Variants in ABCC8 observed in about 807,000 individuals in gnomAD.
ABCC8 encodes the protein ATP binding cassette subfamily C member 8.
Under a neutral mutation model 188.0 loss-of-function variants are expected in ABCC8, and 137 were observed. The ratio of observed to expected loss-of-function variants is 0.73; its 90% CI spans 0.63 to 0.84. The LOEUF (loss-of-function observed/expected upper bound fraction) is 0.84. Among genes scored for constraint, ABCC8 ranks in the 40% least tolerant of loss-of-function variants. The pLI, the probability that ABCC8 is intolerant of heterozygous loss-of-function variation, is 0.00. For synonymous variants in ABCC8, 797 were observed against 846.5 expected, an observed-to-expected ratio of 0.94 and a Z score of 1.01; for missense variants, 1,750 against 2,072.7, an observed-to-expected ratio of 0.84 and a Z score of 3.02.
At position 17,398,537 on chromosome 11, in the gene ABCC8, C is replaced by T. The variant is rs956773677; in HGVS notation, c.3651-96G>A. The T allele has an allele frequency of 2.5e-6, 4 of 1,572,950 alleles. No individual in the cohort carries two copies. The African/African-American group carries it at 5.4e-5, about 21-fold the overall frequency. ...GCAGAGGGAGGCTCCAGGGCCCCTC[C>T]AGTCCCCAGACATGCCACCGTGGCC... On this transcript the variant is annotated intron_variant, in intron 29 of 38. Coordinates refer to ENST00000389817, the MANE Select transcript of ABCC8 (RefSeq NM_000352.6).
intron 6 of ABCC8, among the ~76,000 whole-genome samples, chr11:17,454,974 A>AATTTTT (rs533485215): frequency 7.2e-4 from 110 of 152,298 alleles, no homozygotes; most frequent in African/African-American, 2.5e-3. Context: ...GTCCTTTTTA[A>AATTTTT]CATGCCCTGG....
chr11:17,443,217 G>C lies in ABCC8; in HGVS notation c.1428C>G (p.Phe476Leu), dbSNP rs867541142. Residue 476 changes from phenylalanine to leucine, a missense_variant, in exon 9 of 39, where the codon TTC becomes TTG. By Grantham distance (22) the Phe-to-Leu change is conservative. Coordinates refer to ENST00000389817, the MANE Select transcript of ABCC8 (RefSeq NM_000352.6). ...VIILLAPVQY[F>L]VATKLSQAQR... ...GGGCCTGAGACAGCTTGGTGGCCACGAAGTACTGGACAGGAGCCAGTAGAA... is the reference window on the plus strand; with the variant it reads ...GGGCCTGAGACAGCTTGGTGGCCACCAAGTACTGGACAGGAGCCAGTAGAA... 6.2e-7 allele frequency: 1 copy of C among 1,614,034 alleles called. No individual in the cohort carries two copies. Among genetic ancestry groups the C allele is most frequent in the African/African-American group, 1.3e-5 (1 of 74,912 alleles).
intron 29 of ABCC8, 150 bp downstream of exon 29, chr11:17,402,511 A>C (rs1310321747): frequency 7.9e-6 from 12 of 1,520,462 alleles, no homozygotes; most frequent in South Asian, 1.3e-5. Flanking sequence ...CTGCTGGTGG[A>C]TATCCCTTGG....
chr11:17,453,721 A>C (rs1956895426), intron 6 of ABCC8, among the ~76,000 whole-genome samples: 1 of 152,218 alleles, frequency 6.6e-6, no homozygotes, highest in Admixed American at 6.5e-5. Context: ...AACAGCCTGT[A>C]ATGTAGCAAT....
At chr11:17,449,715 T>C (rs1956685860) in intron 7 of ABCC8, among the ~76,000 whole-genome samples, 1 of 152,220 alleles carries the variant, frequency 6.6e-6, no homozygotes, top group Non-Finnish European at 1.5e-5. Context: ...CATTCTGTTG[T>C]AAGGTGGGCT....
At chr11:17,407,559 A>G (rs1954603783) in intron 23 of ABCC8, 106 bp from the exon 24 acceptor site, 1 of 1,558,670 alleles carries the variant, frequency 6.4e-7, no homozygotes, top group East Asian at 2.4e-5. Flanking sequence ...TCAGATTTCT[A>G]CTTTGTCCCT....
intron 10 of ABCC8, chr11:17,435,736 T>C (rs1232864846): frequency 2.9e-6 from 4 of 1,356,202 alleles, no homozygotes; most frequent in African/African-American, 2.9e-5. Context: ...TCCAGATTGG[T>C]ATAGCTGGGG....
chr11:17,436,297 T>C, intron 10 of ABCC8: 1 of 387,650 alleles, frequency 2.6e-6, no homozygotes, highest in Non-Finnish European at 4.9e-6. Flanking sequence ...TCTGGGGTTG[T>C]TACAGGCTCT....
At position 17,398,266 on chromosome 11, in the gene ABCC8, C is replaced by T. The variant is rs530732949; in HGVS notation, c.3753+73G>A. 3 of 1,569,164 alleles carry T rather than the reference C, an allele frequency of 1.9e-6. No individual in the cohort carries two copies. The African/African-American group carries it at 4.0e-5, about 21-fold the overall frequency. ...TGGTATCCTATCCTCTCTTTCATCC[C>T]CAGGTACCTGTGTGCTCTTGCTCTG... On this transcript the variant is annotated intron_variant, in intron 30 of 38. Transcript: ENST00000389817.
chr11:17,412,875 T>C lies in ABCC8; in HGVS notation c.2476-129A>G, dbSNP rs540527218. 6.6e-6 allele frequency: 10 copies of C among 1,524,676 alleles called. No homozygotes were observed. The Admixed American group carries it at 8.0e-5, about 12-fold the overall frequency. 94.4% of individuals were successfully genotyped at this position (1,524,676 alleles called of 1,614,324 possible). A position where few individuals can be genotyped will look rare whatever the true frequency, so the allele number is the denominator to read the frequency against. ...TCCACTTCTTTGCCTGCTTCTCACC[T>C]TGCATAGAGAAGGAACTTGCACGTG... On this transcript the variant is annotated intron_variant, in intron 20 of 38. Coordinates refer to ENST00000389817, the MANE Select transcript of ABCC8 (RefSeq NM_000352.6).
intron 8 of ABCC8, among the ~76,000 whole-genome samples, chr11:17,444,021 AAGAG>A (rs112019394): frequency 1.3e-5 from 2 of 150,958 alleles, no homozygotes; most frequent in Admixed American, 6.6e-5. Flanking sequence ...CTTAGCTAAA[AAGAG>A]AGAGAGAGAG....
In ABCC8 at chr11:17,442,814, G is replaced by A. The variant is rs765090096; in HGVS notation, c.1536C>T (p.Tyr512=). ...GCGTGCGGAAGATGTTCTCCCAGGC[G>A]TACAGCTTCAGCAGCTTGATGCCGC... The part of the protein sequence containing the change: ...MLRGIKLLKL[Y]AWENIFRTRV... The change falls in exon 10 of 39, where the codon TAC becomes TAT. Residue 512 remains tyrosine (Y), a synonymous_variant. Transcript: ENST00000389817. 2.7e-5 allele frequency: 43 copies of A among 1,613,984 alleles called. 1 individual carries two copies. The highest frequency in any genetic ancestry group is 1.7e-4 in the Middle Eastern group (1 of 6,044).
At chr11:17,444,563 C>T (rs1956451834) in intron 8 of ABCC8, among the ~76,000 whole-genome samples, 1 of 152,190 alleles carries the variant, frequency 6.6e-6, no homozygotes, top group African/African-American at 2.4e-5. Context: ...GCTCCCCCAT[C>T]CCCTCCTCCT....
At chr11:17,450,390 CCT>C (rs1956758654) in intron 7 of ABCC8, among the ~76,000 whole-genome samples, 1 of 108,362 alleles carries the variant, frequency 9.2e-6, no homozygotes, top group Non-Finnish European at 2.0e-5. Context: ...CCTTTCCTTT[CCT>C]TCTTTCTTTC....
chr11:17,448,416 G>C lies in ABCC8; in HGVS notation c.1332+100C>G. 6 of 1,058,778 alleles carry C rather than the reference G, an allele frequency of 5.7e-6. 1 individual carries two copies. In the South Asian group the frequency reaches 7.7e-5, roughly 14 times the overall value. The allele number at this position is 1,058,778 out of a possible 1,614,324, so 65.6% of individuals were successfully genotyped here. ...GTGTGTGAAAGGTACAGGCAAGCAT[G>C]GAGTGGAAGACGGTGTGCTCCTAGT... On this transcript the variant is annotated intron_variant, in intron 8 of 38. Transcript: ENST00000389817.
At position 17,428,351 on chromosome 11, in the gene ABCC8, T is replaced by C. The variant is rs754560172; in HGVS notation, c.1978A>G (p.Thr660Ala). 3.7e-6 allele frequency: 6 copies of C among 1,613,972 alleles called. No individual in the cohort carries two copies. The highest frequency in any genetic ancestry group is 5.1e-6 in the Non-Finnish European group (6 of 1,180,006). The change falls in exon 14 of 39, where the codon ACC becomes GCC. Residue 660 changes from threonine (T) to alanine (A), a missense_variant. Thr to Ala is a moderately conservative substitution (Grantham distance 58, BLOSUM62 0). Coordinates refer to ENST00000389817, the MANE Select transcript of ABCC8 (RefSeq NM_000352.6). ...RPAREDCRGL[T>A]GPLQSLVPSA... ...GGGACCAGGCTCTGCAGTGGGCCGG[T>C]GAGGCCCCGACAATCCTCCCGGGCT...
At chr11:17,443,056 G>A (rs1451449133) in intron 9 of ABCC8, 122 bp downstream of exon 9, 12 of 1,493,822 alleles carry the variant, frequency 8.0e-6, no homozygotes, top group East Asian at 2.3e-5. Flanking sequence ...CTGGACAGGT[G>A]AAGTGGCCTA....
intron 12 of ABCC8, chr11:17,429,477 A>C (rs1356170227): frequency 3.3e-5 from 5 of 152,278 alleles, no homozygotes; most frequent in African/African-American, 1.2e-4. Flanking sequence ...ACAGGCGGTG[A>C]CTGGGAAGAG....
At chr11:17,443,044 G>T in intron 9 of ABCC8, 134 bp downstream of exon 9, 1 of 1,497,368 alleles carries the variant, frequency 6.7e-7, no homozygotes, top group Non-Finnish European at 9.2e-7. Flanking sequence ...AGAAGCTGAG[G>T]CCTGGACAGG....
Sources: allele counts gnomAD v4.1 joint callset (sites outside exome capture counted in the v4.1 genomes callset), GRCh38; gene constraint gnomAD v4.1.1; transcripts MANE v1.5; gene names NCBI Gene and HGNC (gene_info 2026-07-23, HGNC 2026-07-21).